Variants in STARD13 observed in about 807,000 individuals in gnomAD.
STARD13 encodes the protein StAR related lipid transfer domain containing 13, also known as stAR-related lipid transfer protein 13.
STARD13 carries 62 observed loss-of-function variants against 106.4 expected under a neutral mutation model. The observed-to-expected ratio is 0.58, with a 90% CI of 0.48 to 0.72. The LOEUF is 0.72. Ranked by LOEUF, STARD13 falls within the 30% of genes least tolerant of loss-of-function variation. The probability of loss-of-function intolerance (pLI) is 0.00; values close to 1 mark genes in which losing one functional copy is unlikely to be tolerated. For missense variants in STARD13, 1,387 were observed against 1,424.0 expected, an observed-to-expected ratio of 0.97 and a Z score of 0.42; for synonymous variants, 565 against 553.0, an observed-to-expected ratio of 1.02 and a Z score of -0.31.
the STARD13 span, among the ~76,000 whole-genome samples, chr13:33,468,096 T>G: frequency 6.6e-6 from 1 of 152,186 alleles, no homozygotes; most frequent in Non-Finnish European, 1.5e-5. Context: ...CATCCTGAAC[T>G]TCCCAGGACC....
the STARD13 span, among the ~76,000 whole-genome samples, chr13:33,438,053 G>T: frequency 1.3e-5 from 2 of 152,308 alleles, no homozygotes; most frequent in South Asian, 4.1e-4. Context: ...GATGTAATTT[G>T]TTAGAAAAGT....
chr13:33,375,060 G>A, the STARD13 span, among the ~76,000 whole-genome samples: 1 of 152,176 alleles, frequency 6.6e-6, no homozygotes, highest in Non-Finnish European at 1.5e-5. Context: ...AATTAGTGAA[G>A]AACCAGTGAA....
At chr13:33,123,259 G>A (rs985851835) in intron 7 of STARD13, among the ~76,000 whole-genome samples, 1 of 152,144 alleles carries the variant, frequency 6.6e-6, no homozygotes, top group African/African-American at 2.4e-5. Flanking sequence ...AGGAGAGGCT[G>A]AGCATGAGTG....
chr13:33,620,271 T>A, the STARD13 span, among the ~76,000 whole-genome samples: 1 of 151,250 alleles, frequency 6.6e-6, no homozygotes. Context: ...AGAATATGTA[T>A]TCTTTTTCTT....
chr13:33,237,776 A>AT (rs1270347895), intron 1 of STARD13, among the ~76,000 whole-genome samples: 1 of 152,208 alleles, frequency 6.6e-6, no homozygotes. Flanking sequence ...CTCTGAAATG[A>AT]TTTTTGCCTT....
intron 1 of STARD13, chr13:33,188,030 T>A (rs536022231): frequency 1.3e-5 from 2 of 152,266 alleles, no homozygotes; most frequent in East Asian, 1.9e-4. Context: ...CCCGGCTGAC[T>A]ATGGGATAGA....
At chr13:33,121,846 ATTTTT>A (rs200887879) in intron 7 of STARD13, among the ~76,000 whole-genome samples, 1 of 143,368 alleles carries the variant, frequency 7.0e-6, no homozygotes. Flanking sequence ...CGCCCAGCTA[ATTTTT>A]TTTTTTTTTT....
the STARD13 span, among the ~76,000 whole-genome samples, chr13:33,533,622 A>T: frequency 6.6e-6 from 1 of 152,192 alleles, no homozygotes; most frequent in East Asian, 1.9e-4. Flanking sequence ...ACATCTGGTA[A>T]GTAAGTGGAT....
chr13:33,234,564 T>C (rs184428383), intron 1 of STARD13, among the ~76,000 whole-genome samples: 9 of 152,326 alleles, frequency 5.9e-5, no homozygotes, highest in Admixed American at 2.0e-4. Flanking sequence ...AACTATGAAG[T>C]TTGAGGGACT....
At chr13:33,348,916 C>G (rs749578282) in exon 2 of STARD13, 1 of 535,850 alleles carries the variant, frequency 1.9e-6, no homozygotes, top group Non-Finnish European at 3.4e-6. Context: ...TGGAATCATC[C>G]ATAATCTCCA....
chr13:33,115,673 G>A (rs1166483765), intron 8 of STARD13, among the ~76,000 whole-genome samples: 16 of 152,200 alleles, frequency 1.1e-4, no homozygotes, highest in Admixed American at 1.0e-3. Flanking sequence ...CTTCTTTCCA[G>A]TGTTTGGTTT....
chr13:33,126,158 C>G lies in STARD13; in HGVS notation c.2005G>C (p.Val669Leu). The G allele has an allele frequency of 1.2e-6, 2 of 1,614,134 alleles. No individual in the cohort carries two copies. Among genetic ancestry groups the G allele is most frequent in the Non-Finnish European group, 1.7e-6 (2 of 1,180,012 alleles). ...AVFGVPLIVH[V>L]QRTGQPLPQS... ...GGCAGGGGCTGTCCCGTTCTTTGGACGTGGACTATGAGAGGAACGCCAAAG... is the reference window on the plus strand; with the variant it reads ...GGCAGGGGCTGTCCCGTTCTTTGGAGGTGGACTATGAGAGGAACGCCAAAG... Residue 669 changes from valine (V) to leucine (L), a missense_variant, in exon 7 of 14, where the codon GTC (valine) becomes CTC (leucine). Physicochemically the swap from Val to Leu is conservative, Grantham distance 32. Coordinates refer to ENST00000336934, the MANE Select transcript of STARD13 (RefSeq NM_178006.4).
At chr13:33,629,477 C>A in the STARD13 span, among the ~76,000 whole-genome samples, 1 of 152,128 alleles carries the variant, frequency 6.6e-6, no homozygotes, top group African/African-American at 2.4e-5. Context: ...CTAGATAGAG[C>A]CAAATTTGTG....
intron 1 of STARD13, among the ~76,000 whole-genome samples, chr13:33,195,360 G>A (rs184957064): frequency 1.2e-4 from 18 of 152,248 alleles, no homozygotes; most frequent in African/African-American, 3.4e-4. Flanking sequence ...GTTTTGTAGC[G>A]GGAAAAATAC....
At chr13:33,674,751 G>A in the STARD13 span, among the ~76,000 whole-genome samples, 2 of 152,214 alleles carry the variant, frequency 1.3e-5, no homozygotes, top group African/African-American at 4.8e-5. Flanking sequence ...TTTTTCTGGT[G>A]ATTTTTTTTC....
chr13:33,469,642 A>G, the STARD13 span, among the ~76,000 whole-genome samples: 2 of 152,188 alleles, frequency 1.3e-5, no homozygotes, highest in African/African-American at 4.8e-5. Context: ...TAGGGAAATT[A>G]AAAAAGGTAT....
chr13:33,180,922 A>G (rs1171606684), intron 1 of STARD13, among the ~76,000 whole-genome samples: 1 of 152,126 alleles, frequency 6.6e-6, no homozygotes, highest in African/African-American at 2.4e-5. Context: ...TCGACACATA[A>G]TTTTTTAAAA....
At chr13:33,320,515 T>C (rs925121951) in intron 1 of STARD13, among the ~76,000 whole-genome samples, 1 of 152,258 alleles carries the variant, frequency 6.6e-6, no homozygotes, top group Non-Finnish European at 1.5e-5. Flanking sequence ...AAATGGCATT[T>C]GAAATTCTTC....
At chr13:33,175,226 C>T (rs533618877) in intron 1 of STARD13, among the ~76,000 whole-genome samples, 1 of 152,252 alleles carries the variant, frequency 6.6e-6, no homozygotes, top group South Asian at 2.1e-4. Flanking sequence ...TTGTTCCAAT[C>T]AGGCGCTTGT....
Sources: allele counts gnomAD v4.1 joint callset (sites outside exome capture counted in the v4.1 genomes callset), GRCh38; gene constraint gnomAD v4.1.1; transcripts MANE v1.5; gene names NCBI Gene and HGNC (gene_info 2026-07-23, HGNC 2026-07-21).